Variants in CLIP2 observed in about 807,000 individuals in gnomAD.
CLIP2 encodes the protein CAP-Gly domain-containing linker protein 2.
Under a neutral mutation model 111.7 loss-of-function variants are expected in CLIP2, and 41 were observed. The observed-to-expected ratio is 0.37, with a 90% CI of 0.29 to 0.48. The LOEUF is 0.48. CLIP2 is among the 20% of genes least tolerant of loss of function. CLIP2 has a pLI of 0.99. For synonymous variants in CLIP2, 660 were observed against 644.2 expected (o/e 1.02, Z -0.37); for missense variants, 1,160 against 1,422.1 (o/e 0.82, Z 2.96).
chr7:74,322,767 T>C (rs1788999212), intron 2 of CLIP2, among the ~76,000 whole-genome samples: 2 of 152,132 alleles, frequency 1.3e-5, no homozygotes, highest in Non-Finnish European at 2.9e-5. Context: ...AGTCTCGCTC[T>C]GTCACCAGGC....
intron 8 of CLIP2, 47 bp from the exon 9 acceptor site, chr7:74,372,885 G>GCGTCCCCGCCCCCACCCCCCCA (rs1790670528): frequency 3.1e-6 from 1 of 322,722 alleles, no homozygotes; most frequent in African/African-American, 5.9e-5. Flanking sequence ...CCCCCTCCCT[G>GCGTCCCCGCCCCCACCCCCCCA]CGTCCCCGCC....
chr7:74,390,210 AAAGAAAGAAAGAAAGG>A (rs1554315633), intron 13 of CLIP2, among the ~76,000 whole-genome samples: 1,836 of 98,798 alleles, frequency 0.019, 32 homozygotes, highest in Middle Eastern at 0.057. Flanking sequence ...AGAAAGAAAG[AAAGAAAGAAAGAAAGG>A]ATTAATGCCT....
At chr7:74,331,487 G>A (rs1197942819) in intron 2 of CLIP2, among the ~76,000 whole-genome samples, 3 of 151,436 alleles carry the variant, frequency 2.0e-5, no homozygotes, top group Non-Finnish European at 4.4e-5. Context: ...TCTTGATCCT[G>A]ACTGAGGTGA....
intron 2 of CLIP2, among the ~76,000 whole-genome samples, chr7:74,331,870 G>GC (rs1789292574): frequency 1.3e-5 from 2 of 152,024 alleles, no homozygotes; most frequent in Admixed American, 6.6e-5. Context: ...ACCACGCCCA[G>GC]CCGGGATCAG....
rs1478105647 is a variant in CLIP2 at position 74,372,403 on chromosome 7, G to T, written c.1381-529G>T. The stretch of plus-strand genomic sequence containing the variant: ...TTCTTGCACTTTTAGCACAGGCCTT[G>T]GGGGGGGGGGGGAGTCGAGCGGGAA... On this transcript the variant is annotated intron_variant, in intron 8 of 16. Coordinates refer to ENST00000223398, the MANE Select transcript of CLIP2 (RefSeq NM_003388.5). Among the ~76,000 whole-genome samples, 2 of 125,632 alleles carry T rather than the reference G, an allele frequency of 1.6e-5. 1 individual carries two copies. Among genetic ancestry groups the T allele is most frequent in the Non-Finnish European group, 3.4e-5 (2 of 59,178 alleles). 82.4% of individuals were successfully genotyped at this position (125,632 alleles called of 152,430 possible). A position where few individuals can be genotyped will look rare whatever the true frequency, so the allele number is the denominator to read the frequency against.
Position 74,386,516 on chromosome 7 carries a change from C to A in CLIP2, c.2480-5C>A. On this transcript the variant is annotated splice_region_variant and splice_polypyrimidine_tract_variant and intron_variant, in intron 11 of 16. Coordinates refer to ENST00000223398, the MANE Select transcript of CLIP2 (RefSeq NM_003388.5). ...GATGCTTCTCGTCTCTCCTCTCTCC[C>A]CTAGGCCTGCAGGACAAGCTGAACA... 1 of 1,611,464 alleles carries A rather than the reference C, an allele frequency of 6.2e-7. No homozygotes were observed. Among genetic ancestry groups the A allele is most frequent in the East Asian group, 2.2e-5 (1 of 44,594 alleles).
At chr7:74,339,797 C>A (rs1416675369) in intron 3 of CLIP2, among the ~76,000 whole-genome samples, 3 of 151,982 alleles carry the variant, frequency 2.0e-5, no homozygotes, top group Non-Finnish European at 2.9e-5. Flanking sequence ...TCTCAAGACC[C>A]CTGGTCCTGG....
intron 9 of CLIP2, among the ~76,000 whole-genome samples, chr7:74,374,881 GA>G (rs2116652144): frequency 6.6e-6 from 1 of 152,200 alleles, no homozygotes; most frequent in South Asian, 2.1e-4. Flanking sequence ...TTGGAGAATG[GA>G]GCCTCTAAGA....
intron 7 of CLIP2, among the ~76,000 whole-genome samples, 188 bp from the exon 8 acceptor site, chr7:74,364,067 T>C (rs945246178): frequency 8.5e-5 from 13 of 152,212 alleles, no homozygotes; most frequent in Non-Finnish European, 1.8e-4. Context: ...TTATTGGTGG[T>C]TCTTCCTAGA....
At chr7:74,322,158 T>C (rs1788975677) in intron 2 of CLIP2, among the ~76,000 whole-genome samples, 1 of 151,372 alleles carries the variant, frequency 6.6e-6, no homozygotes, top group South Asian at 2.1e-4. Flanking sequence ...CACCGGCCAA[T>C]TTTTGTATTT....
At chr7:74,332,393 A>G (rs1789313834) in intron 2 of CLIP2, among the ~76,000 whole-genome samples, 1 of 150,732 alleles carries the variant, frequency 6.6e-6, no homozygotes, top group Admixed American at 6.6e-5. Flanking sequence ...TCTCAGAGGC[A>G]GTGTCTCCCT....
intron 13 of CLIP2, among the ~76,000 whole-genome samples, chr7:74,390,107 G>A (rs1395407560): frequency 9.0e-6 from 1 of 111,240 alleles, no homozygotes; most frequent in Non-Finnish European, 1.9e-5. Flanking sequence ...AAAAAAGAAA[G>A]AAAGAAAGAA....
intron 13 of CLIP2, among the ~76,000 whole-genome samples, chr7:74,394,245 A>ATTTT (rs56651501): frequency 2.6e-5 from 3 of 117,394 alleles, no homozygotes; most frequent in East Asian, 2.3e-4. Flanking sequence ...TTTTCTTCTT[A>ATTTT]TTTTTTTTTT....
At position 74,389,249 on chromosome 7, in the gene CLIP2, C is replaced by T. The variant is rs782683129; in HGVS notation, c.2710C>T (p.Arg904Trp). The T allele has an allele frequency of 1.3e-5, 20 of 1,598,722 alleles. No individual in the cohort carries two copies. Among genetic ancestry groups the T allele is most frequent in the East Asian group, 4.5e-5 (2 of 43,994 alleles). Residue 904 changes from arginine to tryptophan, a missense_variant, in exon 13 of 17, where the codon CGG becomes TGG. Physicochemically the swap from Arg to Trp is moderately radical, Grantham distance 101 (BLOSUM62 -3). Around this residue, in one of 5 missense-constraint regions of CLIP2, gnomAD observed 676 missense variants for 777.8 expected, o/e 0.87. Transcript: ENST00000223398. ...AGTCCTCATCAGCCAGGAGCTGCTGCGGAAGGAGCGGTGAGGCGGCCGTGG... is the reference window on the plus strand; with the variant it reads ...AGTCCTCATCAGCCAGGAGCTGCTGTGGAAGGAGCGGTGAGGCGGCCGTGG... ...QLVLISQELL[R>W]KERSLNELRV...
At chr7:74,317,967 G>A (rs879981405) in intron 2 of CLIP2, among the ~76,000 whole-genome samples, 14 of 152,064 alleles carry the variant, frequency 9.2e-5, no homozygotes, top group Admixed American at 5.3e-4. Context: ...TGAGGCGGCT[G>A]GATCACTGGA....
At chr7:74,383,331 T>C (rs1490190053) in intron 11 of CLIP2, among the ~76,000 whole-genome samples, 3 of 152,170 alleles carry the variant, frequency 2.0e-5, no homozygotes, top group Non-Finnish European at 4.4e-5. Flanking sequence ...CTAACCTTAT[T>C]GTCCTTAAAT....
At chr7:74,372,409 G>T (rs1278037083) in intron 8 of CLIP2, among the ~76,000 whole-genome samples, 11 of 148,894 alleles carry the variant, frequency 7.4e-5, no homozygotes, top group South Asian at 2.2e-4. Context: ...CCTTGGGGGG[G>T]GGGGGGAGTC....
chr7:74,308,909 C>T (rs1446818489), intron 1 of CLIP2, among the ~76,000 whole-genome samples: 2 of 151,842 alleles, frequency 1.3e-5, no homozygotes, highest in Non-Finnish European at 2.9e-5. Flanking sequence ...ACTCTGTCAC[C>T]CAGGCTGGAG....
In CLIP2 at chr7:74,338,893, G is replaced by C; in HGVS notation, c.567G>C (p.Glu189Asp). Residue 189 changes from glutamate to aspartate, a missense_variant, in exon 3 of 17, where the codon GAG becomes GAC. Glu to Asp is a conservative substitution (Grantham distance 45). This residue lies in a region of CLIP2 where 301 missense variants were observed against 315.2 expected (regional missense o/e 0.96). Transcript: ENST00000223398. The surrounding 1 kb of genome is among the most constrained non-coding windows in gnomAD (Gnocchi z 4.3). ...PLTSRVIPLR[E>D]SVLNSSVKTG... ...CCAGCCGCGTCATCCCCCTGCGGGA[G>C]AGCGTCCTCAACAGCTCCGTGAAGA... 6.2e-7 allele frequency: 1 copy of C among 1,605,404 alleles called. No individual in the cohort carries two copies. Among genetic ancestry groups the C allele is most frequent in the Non-Finnish European group, 8.5e-7 (1 of 1,179,906 alleles).
Sources: allele counts gnomAD v4.1 joint callset (sites outside exome capture counted in the v4.1 genomes callset), GRCh38; gene constraint gnomAD v4.1.1; regional missense constraint gnomAD v4.1.1; non-coding constraint Gnocchi (gnomAD v3.1); transcripts MANE v1.5; gene names NCBI Gene and HGNC (gene_info 2026-07-23, HGNC 2026-07-21).